The following NEDD4 variants were observed in gnomAD, a reference collection of about 807,000 sequenced individuals.
The protein encoded by NEDD4 is NEDD4 E3 ubiquitin protein ligase, also known as E3 ubiquitin-protein ligase NEDD4.
Under a neutral mutation model 144.9 loss-of-function variants are expected in NEDD4, and 99 were observed. That is an observed-to-expected ratio of 0.68 (90% CI 0.58 to 0.81). The LOEUF (loss-of-function observed/expected upper bound fraction) is 0.81, where lower values mean the gene tolerates loss of function less well. Among genes scored for constraint, NEDD4 ranks in the 30% least tolerant of loss-of-function variants. NEDD4 has a pLI of 0.00. For synonymous variants in NEDD4, 318 were observed against 350.6 expected, an observed-to-expected ratio of 0.91 and a Z score of 1.04; for missense variants, 985 against 1,065.9, an observed-to-expected ratio of 0.92 and a Z score of 1.06.
intron 11 of NEDD4, among the ~76,000 whole-genome samples, chr15:55,859,079 G>A (rs964949605): frequency 7.9e-5 from 12 of 152,114 alleles, no homozygotes; most frequent in Non-Finnish European, 1.6e-4. Flanking sequence ...CTAGCATATA[G>A]TACTCTGCAT....
At chr15:55,901,800 ACTCT>A (rs1189248529) in intron 5 of NEDD4, among the ~76,000 whole-genome samples, 2 of 152,012 alleles carry the variant, frequency 1.3e-5, no homozygotes, top group African/African-American at 4.8e-5. Context: ...GCCTTCAGAC[ACTCT>A]CACAACAATA....
At chr15:55,916,338 T>C in intron 5 of NEDD4, 1 of 1,614,030 alleles carries the variant, frequency 6.2e-7, no homozygotes, top group South Asian at 1.1e-5. Flanking sequence ...ATCACTACCG[T>C]TGCTGCTGTA....
At chr15:55,836,406 C>A (rs1193730329) in intron 24 of NEDD4, among the ~76,000 whole-genome samples, 1 of 152,058 alleles carries the variant, frequency 6.6e-6, no homozygotes. Flanking sequence ...GTAGCCCAGA[C>A]TGGAGTGCAG....
At chr15:55,851,800 C>A (rs1356128256) in intron 13 of NEDD4, among the ~76,000 whole-genome samples, 2 of 151,946 alleles carry the variant, frequency 1.3e-5, no homozygotes, top group African/African-American at 4.8e-5. Flanking sequence ...TTTAATAGAT[C>A]CCAATCGCCA....
At chr15:55,991,923 T>TA (rs1210618869) in intron 1 of NEDD4, 21 of 152,370 alleles carry the variant, frequency 1.4e-4, no homozygotes, top group African/African-American at 5.0e-4. Flanking sequence ...TGGTGAATGA[T>TA]ACCTTTGGCA....
At chr15:55,923,211 C>A (rs57135414) in intron 5 of NEDD4, among the ~76,000 whole-genome samples, 3,001 of 151,972 alleles carry the variant, frequency 0.02, 94 homozygotes, top group African/African-American at 0.068. Context: ...TAAAGGAAAA[C>A]AGGTCTATAG....
chr15:55,983,869 C>T (rs888754552), intron 1 of NEDD4, among the ~76,000 whole-genome samples: 3 of 152,202 alleles, frequency 2.0e-5, no homozygotes, highest in South Asian at 2.1e-4. Context: ...TCTCAGCCTC[C>T]GAAAGTGCTG....
At position 55,847,001 on chromosome 15, in the gene NEDD4, A is replaced by G. The variant is rs752924716; in HGVS notation, c.1576T>C (p.Tyr526His). 3 of 1,610,422 alleles carry G rather than the reference A, an allele frequency of 1.9e-6. No homozygotes were observed. Among genetic ancestry groups the G allele is most frequent in the East Asian group, 4.5e-5 (2 of 44,670 alleles). Reference protein sequence around the residue: ...VPYSRDYKRKYEFFRRKLKKQ... With the variant: ...VPYSRDYKRKHEFFRRKLKKQ... ...TTCAACTTTCTTCGGAAGAACTCAT[A>G]CTTTCTTTTGTAATCCCTGGAGTAG... is the stretch of plus-strand genomic sequence containing the variant. The change falls in exon 18 of 29, where the codon TAT becomes CAT. Residue 526 changes from tyrosine to histidine, a missense_variant. Physicochemically the swap from Tyr to His is moderately conservative, Grantham distance 83. Coordinates refer to ENST00000435532, the MANE Select transcript of NEDD4 (RefSeq NM_006154.4).
chr15:55,878,883 C>T lies in NEDD4; in HGVS notation c.292-4875G>A, dbSNP rs139987806. ...TGTCGCCCAGGCTGGGGTGCAATGG[C>T]GCGATCTCGACTCACTGCAACCTCC... On this transcript the variant is annotated intron_variant, in intron 5 of 28. Coordinates refer to ENST00000435532, the MANE Select transcript of NEDD4 (RefSeq NM_006154.4). Among the ~76,000 whole-genome samples the T allele has an allele frequency of 2.8e-3, 424 of 152,292 alleles. 10 individuals carry two copies. The highest frequency in any genetic ancestry group is 0.022 in the East Asian group (115 of 5,178).
chr15:55,883,965 T>C (rs1232075235), intron 5 of NEDD4, among the ~76,000 whole-genome samples: 4 of 151,334 alleles, frequency 2.6e-5, no homozygotes, highest in Admixed American at 1.3e-4. Flanking sequence ...CTGCAATCTC[T>C]ACCTCCCAGG....
At chr15:55,834,819 T>A (rs942828439) in intron 24 of NEDD4, among the ~76,000 whole-genome samples, 3 of 152,112 alleles carry the variant, frequency 2.0e-5, no homozygotes, top group Non-Finnish European at 4.4e-5. Flanking sequence ...TAAGTGTAAG[T>A]TCTATTTGAG....
intron 5 of NEDD4, among the ~76,000 whole-genome samples, chr15:55,908,069 T>A (rs1489547306): frequency 6.6e-6 from 1 of 152,228 alleles, no homozygotes; most frequent in Admixed American, 6.5e-5. Context: ...ATCACAGTCA[T>A]CACTCAAATA....
intron 5 of NEDD4, among the ~76,000 whole-genome samples, chr15:55,878,077 C>T (rs1488381323): frequency 6.6e-6 from 1 of 152,010 alleles, no homozygotes; most frequent in Non-Finnish European, 1.5e-5. Context: ...ATATAAAGAT[C>T]CGGGTTCAAG....
At chr15:55,961,371 G>A (rs1566970044) in intron 2 of NEDD4, among the ~76,000 whole-genome samples, 1 of 152,166 alleles carries the variant, frequency 6.6e-6, no homozygotes, top group East Asian at 1.9e-4. Flanking sequence ...CCAAGACCCT[G>A]TAGCAGAGGA....
chr15:55,925,046 C>T (rs1009632313), intron 4 of NEDD4, among the ~76,000 whole-genome samples: 4 of 152,162 alleles, frequency 2.6e-5, no homozygotes, highest in Middle Eastern at 3.4e-3. Context: ...CCAGCCTGGG[C>T]GACATAGAGA....
At chr15:55,857,903 G>A (rs190887102) in intron 11 of NEDD4, among the ~76,000 whole-genome samples, 90 of 152,186 alleles carry the variant, frequency 5.9e-4, no homozygotes, top group Admixed American at 1.4e-3. Flanking sequence ...TCATGCTACT[G>A]CACTCCAGCC....
chr15:55,887,517 C>T (rs1209678139), intron 5 of NEDD4, among the ~76,000 whole-genome samples: 2 of 152,074 alleles, frequency 1.3e-5, no homozygotes, highest in South Asian at 4.1e-4. Flanking sequence ...CAAGGAAAAG[C>T]CCAGCATCCA....
At chr15:55,993,424 G>C in intron 1 of NEDD4, 87 bp downstream of exon 1, 1 of 1,507,346 alleles carries the variant, frequency 6.6e-7, no homozygotes, top group Non-Finnish European at 9.0e-7. Flanking sequence ...CAGAGCCTCC[G>C]GTCGTGGCCG....
At chr15:55,867,681 C>T (rs183415662) in intron 8 of NEDD4, among the ~76,000 whole-genome samples, 27 of 152,248 alleles carry the variant, frequency 1.8e-4, no homozygotes, top group Admixed American at 9.2e-4. Context: ...AAATACCTAA[C>T]AAAAAGTTAA....
Sources: gnomAD v4.1 joint callset for allele counts (sites outside exome capture counted in the v4.1 genomes callset) on GRCh38, gnomAD v4.1.1 for gene constraint, MANE v1.5 for transcripts, NCBI Gene and HGNC (gene_info 2026-07-23, HGNC 2026-07-21) for gene names.